CTNNA3: variants seen among roughly 807,000 people sequenced by gnomAD.
CTNNA3 encodes catenin alpha 3.
CTNNA3 carries 76 observed loss-of-function variants against 95.7 expected under a neutral mutation model. That is an observed-to-expected ratio of 0.79 (90% CI 0.66 to 0.96). The LOEUF is 0.96. CTNNA3 is among the 40% of genes least tolerant of loss of function. The pLI, the probability that CTNNA3 is intolerant of heterozygous loss-of-function variation, is 0.00. For missense variants in CTNNA3, 1,191 were observed against 1,089.8 expected (o/e 1.09, Z -1.31); for synonymous variants, 431 against 374.4 (o/e 1.15, Z -1.74).
At chr10:65,969,423 C>T (rs1001816900) in intron 16 of CTNNA3, among the ~76,000 whole-genome samples, 1 of 152,032 alleles carries the variant, frequency 6.6e-6, no homozygotes, top group Admixed American at 6.6e-5. Context: ...AGCTATGGTC[C>T]CCAGCAAAGT....
chr10:67,661,029 A>C (rs1840170346), intron 1 of CTNNA3, among the ~76,000 whole-genome samples: 1 of 152,148 alleles, frequency 6.6e-6, no homozygotes, highest in Non-Finnish European at 1.5e-5. Context: ...ACAAACTGTT[A>C]GTAAGGCTGC....
At chr10:67,737,238 C>T (rs1314406803) in intron 1 of CTNNA3, among the ~76,000 whole-genome samples, 1 of 152,006 alleles carries the variant, frequency 6.6e-6, no homozygotes, top group African/African-American at 2.4e-5. Flanking sequence ...ATTACATGCT[C>T]CTGAATGACC....
chr10:67,034,976 T>C (rs1314177740), intron 7 of CTNNA3, among the ~76,000 whole-genome samples: 1 of 152,206 alleles, frequency 6.6e-6, no homozygotes, highest in Non-Finnish European at 1.5e-5. Context: ...TACTAGGAAC[T>C]CTTGGAAGGC....
At chr10:66,746,914 C>T (rs1838901541) in intron 9 of CTNNA3, among the ~76,000 whole-genome samples, 1 of 151,924 alleles carries the variant, frequency 6.6e-6, no homozygotes, top group Non-Finnish European at 1.5e-5. Flanking sequence ...CAAAGGAATG[C>T]AGTGTCATGG....
chr10:66,285,884 C>CT (rs35959264), intron 12 of CTNNA3, among the ~76,000 whole-genome samples: 60,092 of 151,450 alleles, frequency 0.4, 12,071 homozygotes, highest in African/African-American at 0.45. Flanking sequence ...ACTGCATATA[C>CT]TTTTTGTATC....
At position 66,977,345 on chromosome 10, in the gene CTNNA3, A is replaced by C. The variant is rs1049097191; in HGVS notation, c.1048-201821T>G. On this transcript the variant is annotated intron_variant, in intron 7 of 17. Coordinates refer to ENST00000433211, the MANE Select transcript of CTNNA3 (RefSeq NM_013266.4). ...CAGCTACTCAGGAGGCTGAGGCAGG[A>C]GGATTGCTTGAACCTGGGAAGCAGA... Among the ~76,000 whole-genome samples the C allele has an allele frequency of 1.9e-4, 29 of 152,056 alleles. No homozygotes were observed. The East Asian group carries it at 4.3e-3, about 22-fold the overall frequency.
At chr10:67,556,465 C>T (rs10997711) in intron 3 of CTNNA3, among the ~76,000 whole-genome samples, 8,758 of 152,062 alleles carry the variant, frequency 0.058, 271 homozygotes, top group South Asian at 0.14. Flanking sequence ...ATTCAACTTC[C>T]TCCTGGTTTA....
chr10:66,862,074 G>GCGC (rs1843955215), intron 7 of CTNNA3, among the ~76,000 whole-genome samples: 2 of 152,068 alleles, frequency 1.3e-5, no homozygotes, highest in African/African-American at 4.8e-5. Flanking sequence ...AATTAGCCAG[G>GCGC]TGTGGTGGCA....
chr10:67,246,207 T>C (rs980170147), intron 5 of CTNNA3, among the ~76,000 whole-genome samples: 1 of 152,210 alleles, frequency 6.6e-6, no homozygotes, highest in African/African-American at 2.4e-5. Context: ...GAATCATCTA[T>C]ATGCAGAGTA....
intron 5 of CTNNA3, among the ~76,000 whole-genome samples, chr10:67,252,684 T>A (rs920443266): frequency 6.6e-6 from 1 of 152,210 alleles, no homozygotes; most frequent in African/African-American, 2.4e-5. Context: ...AGGCTACTAT[T>A]GCCGTGTATT....
intron 15 of CTNNA3, among the ~76,000 whole-genome samples, chr10:66,042,899 CAAAAAAAAAAAAAAAA>C (rs60090636): frequency 4.0e-5 from 2 of 50,424 alleles, no homozygotes; most frequent in African/African-American, 8.7e-5. Flanking sequence ...GACTCTGTCT[CAAAAAAAAAAAAAAAA>C]AAAAAAAAAA....
At chr10:67,274,802 T>A (rs1423917783) in intron 5 of CTNNA3, among the ~76,000 whole-genome samples, 8 of 152,148 alleles carry the variant, frequency 5.3e-5, no homozygotes, top group Admixed American at 5.2e-4. Flanking sequence ...CACTCCAGGC[T>A]GAGGGACAGA....
intron 7 of CTNNA3, among the ~76,000 whole-genome samples, chr10:66,859,755 T>A (rs1295957265): frequency 4.0e-5 from 5 of 125,880 alleles, no homozygotes; most frequent in Admixed American, 3.1e-4. Flanking sequence ...AGCAAAGACT[T>A]GGAACCAACC....
At chr10:67,407,035 T>G (rs903208301) in intron 5 of CTNNA3, among the ~76,000 whole-genome samples, 2 of 152,014 alleles carry the variant, frequency 1.3e-5, no homozygotes, top group Non-Finnish European at 1.5e-5. Flanking sequence ...TCCAAACAAT[T>G]GAAAAGCAGG....
intron 5 of CTNNA3, among the ~76,000 whole-genome samples, chr10:67,316,851 A>G (rs1039728680): frequency 2.0e-5 from 3 of 152,196 alleles, no homozygotes; most frequent in African/African-American, 7.2e-5. Flanking sequence ...CCAAATCCAT[A>G]TAATAATTAA....
At chr10:66,093,646 C>T (rs1016480414) in intron 14 of CTNNA3, among the ~76,000 whole-genome samples, 4 of 151,984 alleles carry the variant, frequency 2.6e-5, no homozygotes, top group East Asian at 3.9e-4. Flanking sequence ...TGAAGGACTT[C>T]GGCAAACAAG....
chr10:66,745,568 G>A (rs1018712859), intron 9 of CTNNA3, among the ~76,000 whole-genome samples: 1 of 150,154 alleles, frequency 6.7e-6, no homozygotes, highest in Non-Finnish European at 1.5e-5. Flanking sequence ...AGGATCTAAT[G>A]GTATATAATG....
intron 13 of CTNNA3, among the ~76,000 whole-genome samples, chr10:66,118,915 A>G (rs1333780275): frequency 2.6e-5 from 4 of 151,920 alleles, no homozygotes; most frequent in African/African-American, 9.7e-5. Context: ...ATTTATTATT[A>G]CTATTTTTTA....
At chr10:67,090,681 T>C (rs924748258) in intron 7 of CTNNA3, among the ~76,000 whole-genome samples, 6 of 152,050 alleles carry the variant, frequency 3.9e-5, no homozygotes, top group Non-Finnish European at 5.9e-5. Context: ...CTGTGCTACA[T>C]AGTAAATGCT....
Sources: gnomAD v4.1 joint callset for allele counts (sites outside exome capture counted in the v4.1 genomes callset) on GRCh38, gnomAD v4.1.1 for gene constraint, MANE v1.5 for transcripts, NCBI Gene and HGNC (gene_info 2026-07-23, HGNC 2026-07-21) for gene names.